Variants in DENND5A observed in about 807,000 individuals in gnomAD.
DENND5A encodes the protein DENN domain-containing protein 5A.
DENND5A carries 64 observed loss-of-function variants against 140.3 expected under a neutral mutation model. The observed-to-expected ratio is 0.46, with a 90% CI of 0.37 to 0.56. The LOEUF is 0.56. Ranked by LOEUF, DENND5A falls within the 20% of genes least tolerant of loss-of-function variation. The probability of loss-of-function intolerance (pLI) is 0.00; values close to 1 mark genes in which losing one functional copy is unlikely to be tolerated. For missense variants in DENND5A, 1,292 were observed against 1,593.8 expected (o/e 0.81, Z 3.22); for synonymous variants, 605 against 607.7 (o/e 1.00, Z 0.07).
rs368270510 is a variant in DENND5A at position 9,143,947 on chromosome 11, T to G, written c.3304+150A>C. 1.3e-5 allele frequency: 11 copies of G among 869,696 alleles called. No individual in the cohort carries two copies. In the African/African-American group the frequency reaches 1.8e-4, roughly 15 times the overall value. The allele number at this position is 869,696 out of a possible 1,614,324, so 53.9% of individuals were successfully genotyped here. A position where few individuals can be genotyped will look rare whatever the true frequency, so the allele number is the denominator to read the frequency against. On this transcript the variant is annotated intron_variant, in intron 19 of 22. Transcript: ENST00000328194. The stretch of plus-strand genomic sequence containing the variant: ...CTCTCAGTGATTCATAAGAGAAGGG[T>G]GCCATATGTGTGAGGTGGCTTTGTT...
At chr11:9,242,829 C>T (rs1851292715) in intron 1 of DENND5A, 1 of 152,216 alleles carries the variant, frequency 6.6e-6, no homozygotes, top group Admixed American at 6.6e-5. Context: ...GTGGCTCACA[C>T]CTGTAATCCC....
chr11:9,257,495 T>C (rs1174346321), intron 1 of DENND5A, among the ~76,000 whole-genome samples: 83 of 149,074 alleles, frequency 5.6e-4, no homozygotes, highest in African/African-American at 1.8e-3. Context: ...TTTTTTTTTT[T>C]TTTTGAGAAG....
chr11:9,258,667 C>A lies in DENND5A; in HGVS notation c.109+6294G>T, dbSNP rs115717695. On this transcript the variant is annotated intron_variant, in intron 1 of 22. Coordinates refer to ENST00000328194, the MANE Select transcript of DENND5A (RefSeq NM_015213.4). ...AGACAAATTTTTTGCTTGTTCCCCC[C>A]GCATCCACCACTCATCAAAGGTCTG... is the stretch of plus-strand genomic sequence containing the variant. 1.4e-4 allele frequency among the ~76,000 whole-genome samples: 21 copies of A among 152,202 alleles called. No homozygotes were observed. In the South Asian group the frequency reaches 4.4e-3, roughly 32 times the overall value.
chr11:9,243,134 A>G (rs2136276716), intron 1 of DENND5A, among the ~76,000 whole-genome samples: 1 of 148,236 alleles, frequency 6.7e-6, no homozygotes, highest in Middle Eastern at 3.5e-3. Context: ...GAGTAAGGCT[A>G]ATTGGAATAA....
intron 1 of DENND5A, among the ~76,000 whole-genome samples, chr11:9,263,370 G>C (rs1442785845): frequency 6.6e-6 from 1 of 151,320 alleles, no homozygotes; most frequent in Non-Finnish European, 1.5e-5. Context: ...ACAGGCACGC[G>C]CCACGACGCC....
At chr11:9,252,687 C>T (rs1346423390) in intron 1 of DENND5A, among the ~76,000 whole-genome samples, 1 of 152,048 alleles carries the variant, frequency 6.6e-6, no homozygotes, top group African/African-American at 2.4e-5. Context: ...AGGAAGTCAC[C>T]AGCTTCTGAA....
At chr11:9,243,114 A>AAC (rs1851315431) in intron 1 of DENND5A, among the ~76,000 whole-genome samples, 1 of 149,360 alleles carries the variant, frequency 6.7e-6, no homozygotes, top group Non-Finnish European at 1.5e-5. Context: ...ACAAAAAAAA[A>AAC]AACTGAGGCG....
intron 20 of DENND5A, chr11:9,143,191 A>G: frequency 1.6e-6 from 1 of 614,110 alleles, no homozygotes; most frequent in Non-Finnish European, 2.9e-6. Context: ...CTATTGGGTC[A>G]TCAGTATGGA....
At chr11:9,144,486 C>A in intron 18 of DENND5A, among the ~76,000 whole-genome samples, 1 of 152,190 alleles carries the variant, frequency 6.6e-6, no homozygotes, top group East Asian at 1.9e-4. Flanking sequence ...TTCCACACAT[C>A]TTCACCTAGA....
rs943066443 is a variant in DENND5A at position 9,185,834 on chromosome 11, TTG to T, written c.1138-4752_1138-4751del. Among the ~76,000 whole-genome samples the T allele has an allele frequency of 5.9e-5, 9 of 151,836 alleles. No individual in the cohort carries two copies. In the South Asian group the frequency reaches 6.3e-4, roughly 11 times the overall value. ...GCCTCTGTGTGAGCTGTCTGTAAAT[TTG>T]TGTGTGTGTATCTGTGTCTGTGTTG... is the stretch of plus-strand genomic sequence containing the variant. On this transcript the variant is annotated intron_variant, in intron 5 of 22. Coordinates refer to ENST00000328194, the MANE Select transcript of DENND5A (RefSeq NM_015213.4).
chr11:9,207,230 GA>G (rs1251803049), intron 2 of DENND5A: 1 of 483,466 alleles, frequency 2.1e-6, no homozygotes. Flanking sequence ...ACAAAGAAAT[GA>G]AAAGATGTAA....
chr11:9,179,500 CTT>C (rs55812362), intron 6 of DENND5A, among the ~76,000 whole-genome samples: 14 of 138,416 alleles, frequency 1.0e-4, no homozygotes, highest in Non-Finnish European at 1.2e-4. Context: ...GCAAAAAAAC[CTT>C]TTTTTTTTTT....
At chr11:9,231,183 A>G (rs1463774073) in intron 1 of DENND5A, among the ~76,000 whole-genome samples, 1 of 152,242 alleles carries the variant, frequency 6.6e-6, no homozygotes, top group Non-Finnish European at 1.5e-5. Context: ...TTAGCCATGA[A>G]AACAGGACAC....
intron 12 of DENND5A, among the ~76,000 whole-genome samples, chr11:9,157,551 T>C (rs1440432427): frequency 1.3e-5 from 2 of 152,194 alleles, no homozygotes; most frequent in Non-Finnish European, 2.9e-5. Context: ...TATTCAATGT[T>C]TAGCTCCCAC....
Position 9,204,137 on chromosome 11 carries a change from T to C in DENND5A, c.472A>G (p.Asn158Asp), listed in dbSNP as rs760565169. 8 of 1,614,028 alleles carry C rather than the reference T, an allele frequency of 5.0e-6. No homozygotes were observed. The East Asian group carries it at 1.8e-4, about 36-fold the overall frequency. The change falls in exon 4 of 23, where the codon AAT becomes GAT. Residue 158 changes from asparagine (N) to aspartate (D), a missense_variant. By Grantham distance (23) the Asn-to-Asp change is conservative. This residue lies in a region of DENND5A where 566 missense variants were observed against 650.4 expected (regional missense o/e 0.87). Transcript: ENST00000328194. ...GCATGTAGGACATCATACTCAGCAT[T>C]GTGCATGTGGTAGAGGGTCTGCATT... Reference protein sequence around the residue: ...SAMQTLYHMHNAEYDVLHAPP... With the variant: ...SAMQTLYHMHDAEYDVLHAPP...
At position 9,219,491 on chromosome 11, in the gene DENND5A, G is replaced by C. The variant is rs747796009; in HGVS notation, c.110-11859C>G. Among the ~76,000 whole-genome samples the C allele has an allele frequency of 4.0e-5, 6 of 151,518 alleles. No individual in the cohort carries two copies. The South Asian group carries it at 1.3e-3, about 32-fold the overall frequency. ...AGTAAAAGAAAGAAATTTCAAACAT[G>C]TAATCTCAAAAAAAGAATGTATTTT... is the stretch of plus-strand genomic sequence containing the variant. On this transcript the variant is annotated intron_variant, in intron 1 of 22. Coordinates refer to ENST00000328194, the MANE Select transcript of DENND5A (RefSeq NM_015213.4).
At chr11:9,178,506 A>G in intron 7 of DENND5A, 140 bp from the exon 8 acceptor site, 1 of 627,858 alleles carries the variant, frequency 1.6e-6, no homozygotes, top group Non-Finnish European at 2.8e-6. Flanking sequence ...ACATTAAAAA[A>G]AAAAAAACCC....
chr11:9,181,728 G>C (rs2136177984), intron 5 of DENND5A, among the ~76,000 whole-genome samples: 1 of 152,252 alleles, frequency 6.6e-6, no homozygotes, highest in Middle Eastern at 3.4e-3. Flanking sequence ...AACAGAGTGA[G>C]ACTCTGTCTC....
At chr11:9,192,842 T>A (rs1343288319) in intron 5 of DENND5A, among the ~76,000 whole-genome samples, 2 of 152,200 alleles carry the variant, frequency 1.3e-5, no homozygotes, top group African/African-American at 4.8e-5. Flanking sequence ...CTGCTGGTAA[T>A]TCTAAAAAAA....
Sources: gnomAD v4.1 joint callset for allele counts (sites outside exome capture counted in the v4.1 genomes callset) on GRCh38, gnomAD v4.1.1 for gene constraint, gnomAD v4.1.1 regional missense constraint, MANE v1.5 for transcripts, NCBI Gene and HGNC (gene_info 2026-07-23, HGNC 2026-07-21) for gene names.